NXNL2: variants seen among roughly 807,000 people sequenced by gnomAD.
NXNL2 encodes the protein nucleoredoxin-like protein 2.
NXNL2 carries 7 observed loss-of-function variants against 11.1 expected under a neutral mutation model. The observed-to-expected ratio is 0.63, with a 90% CI of 0.36 to 1.18. The LOEUF (loss-of-function observed/expected upper bound fraction) is 1.18, where lower values mean the gene tolerates loss of function less well. Ranked by LOEUF, NXNL2 falls within the 50% of genes most tolerant of loss-of-function variation. The pLI, the probability that NXNL2 is intolerant of heterozygous loss-of-function variation, is 0.02. For missense variants in NXNL2, 233 were observed against 217.7 expected, an observed-to-expected ratio of 1.07 and a Z score of -0.44; for synonymous variants, 109 against 101.8, an observed-to-expected ratio of 1.07 and a Z score of -0.42.
chr9:88,535,833 C>A (rs947573037), intron 1 of NXNL2, 97 bp downstream of exon 1: 6 of 907,564 alleles, frequency 6.6e-6, no homozygotes, highest in South Asian at 1.7e-5. Flanking sequence ...TTTATGACGC[C>A]CCCCCCCAAC....
exon 3 of NXNL2, chr9:88,575,213 T>G: frequency 1.1e-6 from 1 of 931,284 alleles, no homozygotes; most frequent in Non-Finnish European, 1.3e-6. Flanking sequence ...AACAATGTGC[T>G]GTGACCATGT....
intron 1 of NXNL2, among the ~76,000 whole-genome samples, chr9:88,566,317 T>C (rs1830169868): frequency 6.6e-6 from 1 of 151,828 alleles, no homozygotes; most frequent in African/African-American, 2.4e-5. Flanking sequence ...TTTTTTGAGA[T>C]GGAGTCTTGG....
chr9:88,559,817 T>A (rs921353886), intron 1 of NXNL2, among the ~76,000 whole-genome samples: 7 of 151,928 alleles, frequency 4.6e-5, no homozygotes, highest in Non-Finnish European at 8.8e-5. Flanking sequence ...CCGGTGCCCT[T>A]TCTGGCCATT....
chr9:88,574,551 G>A (rs1208455269), intron 2 of NXNL2, among the ~76,000 whole-genome samples: 1 of 152,220 alleles, frequency 6.6e-6, no homozygotes, highest in African/African-American at 2.4e-5. Context: ...TTGAGTTTCT[G>A]ATTAGTTGTT....
chr9:88,547,729 T>C (rs1829864381), downstream of NXNL2, among the ~76,000 whole-genome samples: 1 of 152,174 alleles, frequency 6.6e-6, no homozygotes, highest in Non-Finnish European at 1.5e-5. Flanking sequence ...GTTTAAGAAT[T>C]ATCTGGGCTG....
downstream of NXNL2, among the ~76,000 whole-genome samples, chr9:88,577,829 G>A (rs969680553): frequency 6.6e-5 from 10 of 152,208 alleles, no homozygotes; most frequent in Admixed American, 1.3e-4. Flanking sequence ...TGAACTACGG[G>A]CACATGATCC....
chr9:88,535,623 G>T lies in NXNL2; in HGVS notation c.189G>T (p.Ala63=), dbSNP rs781497223. The change falls in exon 1 of 2, where the codon GCG becomes GCT. Residue 63 remains alanine, a synonymous_variant. Transcript: ENST00000375854. ...TGGTGGCCGAGGCGCGGCGGCCCGC[G>T]CCCTTCGAAGTGGTCTTCGTGTCAG... ...TALVAEARRP[A]PFEVVFVSAD... 1.2e-4 allele frequency: 191 copies of T among 1,608,760 alleles called. No individual in the cohort carries two copies. Among genetic ancestry groups the T allele is most frequent in the Non-Finnish European group, 1.6e-4 (185 of 1,179,402 alleles).
intron 1 of NXNL2, among the ~76,000 whole-genome samples, chr9:88,536,433 G>A (rs1264775224): frequency 2.0e-5 from 3 of 152,124 alleles, no homozygotes; most frequent in Admixed American, 2.0e-4. Flanking sequence ...TTGGCAGAGA[G>A]GGGATTACAG....
intron 1 of NXNL2, among the ~76,000 whole-genome samples, chr9:88,569,019 C>T (rs1232679433): frequency 6.6e-6 from 1 of 152,166 alleles, no homozygotes; most frequent in Non-Finnish European, 1.5e-5. Context: ...CTCAACCTCT[C>T]AGGCTCAAGC....
intron 1 of NXNL2, among the ~76,000 whole-genome samples, chr9:88,538,156 C>T (rs1172800113): frequency 6.6e-6 from 1 of 152,198 alleles, no homozygotes; most frequent in Admixed American, 6.5e-5. Flanking sequence ...GGTTCTTTGC[C>T]TCTCATGTGC....
intron 1 of NXNL2, among the ~76,000 whole-genome samples, chr9:88,559,554 A>G (rs943201078): frequency 1.1e-4 from 17 of 152,296 alleles, no homozygotes; most frequent in African/African-American, 3.4e-4. Context: ...CATCCCTGCC[A>G]TCCGTAGGCC....
At chr9:88,570,899 T>A (rs1830252181) in intron 1 of NXNL2, among the ~76,000 whole-genome samples, 1 of 151,786 alleles carries the variant, frequency 6.6e-6, no homozygotes, top group Admixed American at 6.6e-5. Flanking sequence ...TGCACCACCA[T>A]GCCTGGCTAA....
rs576415027 is a variant in NXNL2, at chr9:88,582,229, A to G, written n.552-1770A>G. Reference sequence around the variant, plus strand: ...TGCAGTGGCTCACGCCTGTAATCCCAGCACTTTGTGAGGCCGAGGTGGGCG... The same window carrying G: ...TGCAGTGGCTCACGCCTGTAATCCCGGCACTTTGTGAGGCCGAGGTGGGCG... On this transcript the variant is annotated intron_variant and non_coding_transcript_variant, in intron 1 of 1. Coordinates refer to the NXNL2 transcript ENST00000478686. 7.2e-5 allele frequency among the ~76,000 whole-genome samples: 11 copies of G among 152,336 alleles called. No homozygotes were observed. In the South Asian group the frequency reaches 2.3e-3, roughly 32 times the overall value.
At chr9:88,582,630 C>CTTCCTTCCTTCCTTCCTT (rs1830421706) in intron 1 of NXNL2, among the ~76,000 whole-genome samples, 1 of 150,840 alleles carries the variant, frequency 6.6e-6, no homozygotes, top group Admixed American at 6.6e-5. Context: ...CTTCCTTCCT[C>CTTCCTTCCTTCCTTCCTT]CCTCCTCCCC....
chr9:88,582,340 G>A (rs1367418495), intron 1 of NXNL2, among the ~76,000 whole-genome samples: 1 of 152,024 alleles, frequency 6.6e-6, no homozygotes, highest in African/African-American at 2.4e-5. Flanking sequence ...ATGGTGGCGG[G>A]CGCCTGTAGT....
At position 88,542,231 on chromosome 9, in the gene NXNL2, TCAAAAAACAAAAAAA is replaced by T. The variant is rs892083147; in HGVS notation, c.303-2133_303-2119del. Among the ~76,000 whole-genome samples the T allele has an allele frequency of 3.3e-5, 5 of 151,174 alleles. No individual in the cohort carries two copies. The South Asian group carries it at 8.4e-4, about 25-fold the overall frequency. ...CTGGGCGACAGAGCAAGACTCCATC[TCAAAAAACAAAAAAA>T]CAAAAAACAAAAAACAAACGAACGA... On this transcript the variant is annotated intron_variant, in intron 1 of 1. Coordinates refer to ENST00000375854, the MANE Select transcript of NXNL2 (RefSeq NM_001161625.2).
intron 1 of NXNL2, among the ~76,000 whole-genome samples, chr9:88,559,877 C>T (rs994508523): frequency 1.3e-5 from 2 of 152,146 alleles, no homozygotes; most frequent in Non-Finnish European, 2.9e-5. Flanking sequence ...TTTATGAAGT[C>T]AGCCTGTCCT....
downstream of NXNL2, among the ~76,000 whole-genome samples, chr9:88,577,658 G>A (rs891306834): frequency 7.9e-5 from 12 of 152,120 alleles, no homozygotes. Flanking sequence ...GAGAGCGAGC[G>A]AGCGCAGCAC....
At chr9:88,556,724 C>T (rs932520590) in intron 1 of NXNL2, among the ~76,000 whole-genome samples, 1 of 152,128 alleles carries the variant, frequency 6.6e-6, no homozygotes, top group Non-Finnish European at 1.5e-5. Flanking sequence ...TGTCTGCCTT[C>T]TACTGCTATC....
Sources: gnomAD v4.1 joint callset for allele counts (sites outside exome capture counted in the v4.1 genomes callset) on GRCh38, gnomAD v4.1.1 for gene constraint, MANE v1.5 for transcripts, NCBI Gene and HGNC (gene_info 2026-07-23, HGNC 2026-07-21) for gene names.